Variants in PARP9 observed in about 807,000 individuals in gnomAD.
PARP9 encodes the protein protein mono-ADP-ribosyltransferase PARP9.
Under a neutral mutation model 68.8 loss-of-function variants are expected in PARP9, and 48 were observed. The ratio of observed to expected loss-of-function variants is 0.70; its 90% CI spans 0.55 to 0.89. The LOEUF (loss-of-function observed/expected upper bound fraction) is 0.89, where lower values mean the gene tolerates loss of function less well. Among genes scored for constraint, PARP9 ranks in the 40% least tolerant of loss-of-function variants. PARP9 has a pLI of 0.00. For synonymous variants in PARP9, 309 were observed against 333.8 expected, an observed-to-expected ratio of 0.93 and a Z score of 0.81; for missense variants, 806 against 969.3, an observed-to-expected ratio of 0.83 and a Z score of 2.24.
chr3:122,561,689 T>C (rs1444219256), intron 1 of PARP9, among the ~76,000 whole-genome samples: 1 of 152,232 alleles, frequency 6.6e-6, no homozygotes, highest in Non-Finnish European at 1.5e-5. Context: ...CTCTTAATTG[T>C]TTGCCCCAGG....
chr3:122,546,274 C>T (rs927031413), intron 6 of PARP9, among the ~76,000 whole-genome samples: 1 of 152,220 alleles, frequency 6.6e-6, no homozygotes, highest in South Asian at 2.1e-4. Flanking sequence ...GAGCTTTTCC[C>T]AGGCTGTTGA....
At chr3:122,560,902 A>G (rs1439209872) in intron 1 of PARP9, among the ~76,000 whole-genome samples, 1 of 152,186 alleles carries the variant, frequency 6.6e-6, no homozygotes, top group Non-Finnish European at 1.5e-5. Flanking sequence ...CTTTTGCTTT[A>G]AATGTTGCAC....
At position 122,556,141 on chromosome 3, in the gene PARP9, TAAAAAAAAAAAAAAAAAA is replaced by T. The variant is rs745677021; in HGVS notation, c.50-38_50-21del. 50 of 210,220 alleles carry T rather than the reference TAAAAAAAAAAAAAAAAAA, an allele frequency of 2.4e-4. No homozygotes were observed. The highest frequency in any genetic ancestry group is 3.0e-4 in the Non-Finnish European group (39 of 129,898). 13.0% of individuals were successfully genotyped at this position (210,220 alleles called of 1,614,324 possible). Reference sequence around the variant, plus strand: ...CAGTCTCTGGAAAAGAAGAGAAGATTAAAAAAAAAAAAAAAAAAAAAAAAAAAAAAAAGCACAGTTTGA... The same window carrying T: ...CAGTCTCTGGAAAAGAAGAGAAGATTAAAAAAAAAAAAAAGCACAGTTTGA... On this transcript the variant is annotated intron_variant, in intron 3 of 10. Coordinates refer to ENST00000682323, the MANE Select transcript of PARP9 (RefSeq NM_001146105.2).
chr3:122,558,512 G>A, intron 2 of PARP9, 45 bp from the exon 3 acceptor site: 1 of 1,607,140 alleles, frequency 6.2e-7, no homozygotes. Context: ...GAAGTGGAAT[G>A]ACTACAGCTT....
In PARP9 at chr3:122,555,905, T is replaced by C; in HGVS notation, c.266A>G (p.Lys89Arg). ...AACAGCATGTGTGGTGAGGTCATCT[T>C]TCCAGACTGATAACTCTATCCTAGG... The part of the protein sequence containing the change: ...LTPRIELSVW[K>R]DDLTTHAVDA... Residue 89 changes from lysine to arginine, a missense_variant, in exon 4 of 11, where the codon AAA (lysine) becomes AGA (arginine). By Grantham distance (26) the Lys-to-Arg change is conservative (BLOSUM62 2). This residue lies in a region of PARP9 where 126 missense variants were observed against 110.5 expected (regional missense o/e 1.14). Transcript: ENST00000682323. 6.2e-7 allele frequency: 1 copy of C among 1,614,102 alleles called. No homozygotes were observed. The highest frequency in any genetic ancestry group is 8.5e-7 in the Non-Finnish European group (1 of 1,179,996).
rs142209169 is a variant in PARP9 at position 122,540,772 on chromosome 3, C to T, written c.1465G>A (p.Val489Met). The T allele has an allele frequency of 3.0e-5, 48 of 1,614,120 alleles. No homozygotes were observed. The African/African-American group carries it at 5.2e-4, about 17-fold the overall frequency. The change falls in exon 8 of 11, where the codon GTG becomes ATG. Residue 489 changes from valine to methionine, a missense_variant. Physicochemically the swap from Val to Met is conservative, Grantham distance 21. Coordinates refer to ENST00000682323, the MANE Select transcript of PARP9 (RefSeq NM_001146105.2). ...GCGTGGGCCTCATACATCTCTTCCA[C>T]GTTGAATCCCATCAGATTGATGGCA... is the stretch of plus-strand genomic sequence containing the variant. ...SPAINLMGFN[V>M]EEMYEAHAWI...
chr3:122,528,479 T>C lies in PARP9; in HGVS notation c.2345A>G (p.Tyr782Cys). 1 of 1,614,186 alleles carries C rather than the reference T, an allele frequency of 6.2e-7. No individual in the cohort carries two copies. The highest frequency in any genetic ancestry group is 8.5e-7 in the Non-Finnish European group (1 of 1,180,014). The change falls in exon 11 of 11, where the codon TAT becomes TGT. Residue 782 changes from tyrosine (Y) to cysteine (C), a missense_variant. By Grantham distance (194) the Tyr-to-Cys change is radical. Transcript: ENST00000682323. The part of the protein sequence containing the change: ...IFSGMQAIPQ[Y>C]LWTCTQEYVQ... ...ATATTCCTGGGTGCATGTCCACAAA[T>C]ACTGAGGTATAGCCTGCATGCCACT... is the stretch of plus-strand genomic sequence containing the variant.
chr3:122,536,765 T>C (rs1467181740), intron 9 of PARP9, 169 bp downstream of exon 9: 1 of 729,194 alleles, frequency 1.4e-6, no homozygotes, highest in Non-Finnish European at 2.2e-6. Context: ...ATTCCAACTA[T>C]ATCCCTCGTG....
intron 8 of PARP9, 151 bp downstream of exon 8, chr3:122,540,321 T>C (rs1186634995): frequency 1.0e-6 from 1 of 989,696 alleles, no homozygotes; most frequent in Non-Finnish European, 1.4e-6. Context: ...AAAAAATAGC[T>C]CACAAAGGCT....
At chr3:122,564,576 C>G (rs2080515735), upstream of PARP9, 1 of 1,602,886 alleles carries the variant, frequency 6.2e-7, no homozygotes, top group African/African-American at 1.4e-5. Context: ...AACACGAAGC[C>G]CCGGGCACCT....
chr3:122,529,142 G>T (rs1279908481), intron 10 of PARP9, among the ~76,000 whole-genome samples: 3 of 151,182 alleles, frequency 2.0e-5, no homozygotes, highest in Non-Finnish European at 2.9e-5. Flanking sequence ...GGAGGCTGAG[G>T]CAGGAGAATC....
chr3:122,535,129 G>A, intron 10 of PARP9: 1 of 984,748 alleles, frequency 1.0e-6, no homozygotes, highest in African/African-American at 1.7e-5. Context: ...GAAGTAGTGG[G>A]TGGGGATTGC....
At chr3:122,558,310 A>G in intron 3 of PARP9, 124 bp downstream of exon 3, 1 of 1,611,760 alleles carries the variant, frequency 6.2e-7, no homozygotes, top group Non-Finnish European at 8.5e-7. Flanking sequence ...GGTCCCCACA[A>G]GGGTCTGCAG....
intron 10 of PARP9, among the ~76,000 whole-genome samples, chr3:122,531,030 T>G (rs1254624171): frequency 6.6e-6 from 1 of 152,260 alleles, no homozygotes; most frequent in African/African-American, 2.4e-5. Flanking sequence ...CAAGATGTTA[T>G]TTTAACATGT....
chr3:122,552,302 A>T, intron 5 of PARP9, 116 bp downstream of exon 5: 1 of 767,152 alleles, frequency 1.3e-6, no homozygotes, highest in Non-Finnish European at 2.1e-6. Context: ...AAAATTGAGA[A>T]CTATACCACT....
At chr3:122,557,348 C>G (rs2079785876) in intron 3 of PARP9, among the ~76,000 whole-genome samples, 2 of 152,156 alleles carry the variant, frequency 1.3e-5, no homozygotes, top group Non-Finnish European at 2.9e-5. Flanking sequence ...TGCTTCAGTT[C>G]AGTAAATAAT....
At chr3:122,532,107 A>T (rs2077353927) in intron 10 of PARP9, 2 of 976,460 alleles carry the variant, frequency 2.0e-6, no homozygotes, top group Non-Finnish European at 1.2e-6. Flanking sequence ...CAGCTTCATC[A>T]CCTGAGTGGA....
intron 4 of PARP9, among the ~76,000 whole-genome samples, chr3:122,554,816 C>T (rs2079502749): frequency 6.6e-6 from 1 of 152,002 alleles, no homozygotes; most frequent in Admixed American, 6.6e-5. Context: ...CTCATGGGCT[C>T]AAGTGCGCCT....
intron 2 of PARP9, 60 bp downstream of exon 2, chr3:122,559,546 A>G (rs372546076): frequency 3.3e-6 from 5 of 1,505,282 alleles, no homozygotes; most frequent in African/African-American, 1.4e-5. Context: ...TTGCTGTTAT[A>G]TAAAGAAGTA....
Sources: gnomAD v4.1 joint callset for allele counts (sites outside exome capture counted in the v4.1 genomes callset) on GRCh38, gnomAD v4.1.1 for gene constraint, gnomAD v4.1.1 regional missense constraint, MANE v1.5 for transcripts, NCBI Gene and HGNC (gene_info 2026-07-23, HGNC 2026-07-21) for gene names.